Variants in IGF1R observed in about 807,000 individuals in gnomAD.
IGF1R encodes the protein insulin-like growth factor 1 receptor.
IGF1R carries 44 observed loss-of-function variants against 144.6 expected under a neutral mutation model. That is an observed-to-expected ratio of 0.30 (90% confidence interval 0.24 to 0.39). The LOEUF is 0.39. IGF1R is among the 10% of genes least tolerant of loss of function. The pLI is 1.00. For synonymous variants in IGF1R, 795 were observed against 722.8 expected, an observed-to-expected ratio of 1.10 and a Z score of -1.60; for missense variants, 1,355 against 1,833.7, an observed-to-expected ratio of 0.74 and a Z score of 4.77.
At chr15:98,845,643 T>G (rs2011301059) in intron 2 of IGF1R, among the ~76,000 whole-genome samples, 1 of 151,356 alleles carries the variant, frequency 6.6e-6, no homozygotes, top group Admixed American at 6.6e-5. Flanking sequence ...TGCGGCACTT[T>G]GTTTGCAGTT....
chr15:98,735,076 A>T (rs1234790076), intron 2 of IGF1R, among the ~76,000 whole-genome samples: 3 of 152,186 alleles, frequency 2.0e-5, no homozygotes. Context: ...GGGTTCACCC[A>T]CAAGTTCCGA....
At chr15:98,816,346 G>A (rs1030430416) in intron 2 of IGF1R, among the ~76,000 whole-genome samples, 1 of 152,278 alleles carries the variant, frequency 6.6e-6, no homozygotes, top group Admixed American at 6.5e-5. Context: ...TTCTTTCCAG[G>A]AATCATCATT....
rs902663935 is a variant in IGF1R, at chr15:98,963,147, A to G, written c.*5705A>G. 4.3e-6 allele frequency: 1 copy of G among 232,986 alleles called. No individual in the cohort carries two copies. The highest frequency in any genetic ancestry group is 8.5e-6 in the Non-Finnish European group (1 of 117,920). 14.4% of individuals were successfully genotyped at this position (232,986 alleles called of 1,614,324 possible). On this transcript the variant is annotated 3_prime_UTR_variant, in exon 21 of 21. Coordinates refer to ENST00000650285, the MANE Select transcript of IGF1R (RefSeq NM_000875.5). ...ATTTTATAAAATGTTTGTAGTTTAT[A>G]ATTGCCGAAAATAATTTAAAGACAC...
chr15:98,853,799 T>G (rs1450339663), intron 2 of IGF1R, among the ~76,000 whole-genome samples: 1 of 152,178 alleles, frequency 6.6e-6, no homozygotes, highest in Non-Finnish European at 1.5e-5. Context: ...GATGGGGCAC[T>G]TGGGGAGAAG....
intron 2 of IGF1R, among the ~76,000 whole-genome samples, chr15:98,886,047 A>C (rs2013624820): frequency 6.6e-6 from 1 of 151,852 alleles, no homozygotes; most frequent in Non-Finnish European, 1.5e-5. Flanking sequence ...TGAACTCCTG[A>C]CCTCAGTTGA....
At chr15:98,650,802 T>G (rs2052343069) in intron 1 of IGF1R, 1 of 690,360 alleles carries the variant, frequency 1.4e-6, no homozygotes, top group African/African-American at 1.9e-5. Context: ...CGCACTTCCT[T>G]TGTACGTAGT....
chr15:98,799,921 C>T (rs2056326476), intron 2 of IGF1R, among the ~76,000 whole-genome samples: 1 of 152,242 alleles, frequency 6.6e-6, no homozygotes, highest in Non-Finnish European at 1.5e-5. Flanking sequence ...CACCGGAAGA[C>T]TGCTCTGGTA....
intron 2 of IGF1R, among the ~76,000 whole-genome samples, chr15:98,881,767 A>G (rs931561820): frequency 6.6e-6 from 1 of 152,198 alleles, no homozygotes; most frequent in African/African-American, 2.4e-5. Context: ...CTTGGTGTGA[A>G]CATTTGGTCA....
At chr15:98,712,647 C>T (rs1422237308) in intron 2 of IGF1R, among the ~76,000 whole-genome samples, 2 of 150,734 alleles carry the variant, frequency 1.3e-5, no homozygotes, top group African/African-American at 4.9e-5. Flanking sequence ...CTTACTCTGT[C>T]ACCCAGGCTG....
At chr15:98,887,428 C>G in intron 2 of IGF1R, among the ~76,000 whole-genome samples, 2 of 151,672 alleles carry the variant, frequency 1.3e-5, no homozygotes, top group Middle Eastern at 6.8e-3. Context: ...TTTCAACGTT[C>G]TTATTACTAC....
At chr15:98,791,200 G>T (rs369451664) in intron 2 of IGF1R, among the ~76,000 whole-genome samples, 1 of 152,298 alleles carries the variant, frequency 6.6e-6, no homozygotes, top group African/African-American at 2.4e-5. Flanking sequence ...TCCTATTCTT[G>T]TGGAGCTGCA....
chr15:98,788,125 G>A lies in IGF1R; in HGVS notation c.640+80018G>A, dbSNP rs1239424973. Among the ~76,000 whole-genome samples, 3 of 151,488 alleles carry A rather than the reference G, an allele frequency of 2.0e-5. No homozygotes were observed. The East Asian group carries it at 5.8e-4, about 29-fold the overall frequency. ...TGATTTCTCTAAGTTAATAAAGAAT[G>A]TGGGGTGACCTCCTACACATGCCCG... On this transcript the variant is annotated intron_variant, in intron 2 of 20. Transcript: ENST00000650285.
rs193230282 is a variant in IGF1R at position 98,672,331 on chromosome 15, G to C, written c.94+22656G>C. On this transcript the variant is annotated intron_variant, in intron 1 of 20. Transcript: ENST00000650285. Reference sequence around the variant, plus strand: ...TGTAATCCCAGCACTTTGGGAGGCCGAGGCGGGCGGATCACCTGTGGTCGG... The same window carrying C: ...TGTAATCCCAGCACTTTGGGAGGCCCAGGCGGGCGGATCACCTGTGGTCGG... Among the ~76,000 whole-genome samples the C allele has an allele frequency of 1.2e-3, 177 of 152,292 alleles. 1 individual carries two copies. Among genetic ancestry groups the C allele is most frequent in the Middle Eastern group, 3.4e-3 (1 of 294 alleles).
intron 2 of IGF1R, among the ~76,000 whole-genome samples, chr15:98,814,625 C>T (rs752379077): frequency 5.3e-5 from 8 of 152,104 alleles, no homozygotes; most frequent in Non-Finnish European, 1.2e-4. Context: ...TGGGATTACA[C>T]GTGTGAGCCA....
At chr15:98,702,217 A>G (rs753431570) in intron 1 of IGF1R, among the ~76,000 whole-genome samples, 11 of 152,116 alleles carry the variant, frequency 7.2e-5, no homozygotes, top group Non-Finnish European at 1.3e-4. Context: ...CAAAATATAT[A>G]TAGCTTGTAT....
chr15:98,845,203 C>G (rs2011263770), intron 2 of IGF1R, among the ~76,000 whole-genome samples: 1 of 152,172 alleles, frequency 6.6e-6, no homozygotes, highest in African/African-American at 2.4e-5. Flanking sequence ...ATGTTGTTAA[C>G]AGTGTAGACA....
chr15:98,714,062 A>AT (rs1185232701), intron 2 of IGF1R, among the ~76,000 whole-genome samples: 1 of 152,206 alleles, frequency 6.6e-6, no homozygotes, highest in East Asian at 1.9e-4. Flanking sequence ...AAAATAGCAG[A>AT]TTGGAGCCTT....
At position 98,948,625 on chromosome 15, in the gene IGF1R, C is replaced by T; in HGVS notation, c.3639C>T (p.Tyr1213=). ...TCGCCACACTGGCCGAGCAGCCCTA[C>T]CAGGGCTTGTCCAACGAGCAAGTCC... ...WEIATLAEQP[Y]QGLSNEQVLR... The change falls in exon 20 of 21, where the codon TAC becomes TAT. Residue 1213 remains tyrosine, a synonymous_variant. Transcript: ENST00000650285. 1.9e-6 allele frequency: 3 copies of T among 1,613,962 alleles called. No individual in the cohort carries two copies. Among genetic ancestry groups the T allele is most frequent in the Non-Finnish European group, 2.5e-6 (3 of 1,179,802 alleles).
chr15:98,939,148 A>AT (rs930909219), intron 17 of IGF1R, 53 bp from the exon 18 acceptor site: 1 of 1,506,376 alleles, frequency 6.6e-7, no homozygotes, highest in African/African-American at 1.4e-5. Flanking sequence ...AGAAATTGGC[A>AT]TGGAAAAAAA....
Sources: gnomAD v4.1 joint callset for allele counts (sites outside exome capture counted in the v4.1 genomes callset) on GRCh38, gnomAD v4.1.1 for gene constraint, MANE v1.5 for transcripts, NCBI Gene and HGNC (gene_info 2026-07-23, HGNC 2026-07-21) for gene names.